The following ADIPOR1 variants were observed in gnomAD, a reference collection of about 807,000 sequenced individuals.
ADIPOR1 encodes the protein adiponectin receptor 1, also known as adiponectin receptor protein 1.
A neutral mutation model predicts 37.5 loss-of-function variants in ADIPOR1; 15 were observed. That is an observed-to-expected ratio of 0.40 (90% CI 0.27 to 0.62). The LOEUF (loss-of-function observed/expected upper bound fraction) is 0.62. Ranked by LOEUF, ADIPOR1 falls within the 20% of genes least tolerant of loss-of-function variation. The pLI is 0.42. For missense variants in ADIPOR1, 286 were observed against 478.0 expected (o/e 0.60, Z 3.75); for synonymous variants, 173 against 173.2 (o/e 1.00, Z 0.01).
Position 202,944,994 on chromosome 1 carries a change from C to G in ADIPOR1, c.606G>C (p.Arg202=), listed in dbSNP as rs1195753408. The G allele has an allele frequency of 3.7e-6, 6 of 1,610,488 alleles. No homozygotes were observed. In the Admixed American group the frequency reaches 8.5e-5, roughly 23 times the overall value. ...TTCTTTTAACTCACTTGGAAAAAGT[C>G]CGAGAGACTTTCTCTGAATGACAAT... The part of the protein sequence containing the change: ...TVYCHSEKVS[R]TFSKLDYSGI... The change falls in exon 5 of 8, where the codon CGG becomes CGC. Residue 202 remains arginine (R), a synonymous_variant. Coordinates refer to ENST00000340990, the MANE Select transcript of ADIPOR1 (RefSeq NM_015999.6).
chr1:202,941,444 G>C lies in ADIPOR1; in HGVS notation c.*129C>G. 8.4e-7 allele frequency: 1 copy of C among 1,193,074 alleles called. No individual in the cohort carries two copies. The highest frequency in any genetic ancestry group is 1.1e-6 in the Non-Finnish European group (1 of 873,126). The allele number at this position is 1,193,074 out of a possible 1,614,324, so 73.9% of individuals were successfully genotyped here. On this transcript the variant is annotated 3_prime_UTR_variant, in exon 8 of 8. Transcript: ENST00000340990. ...GGGTGTGAAAGTGGGCTGAAGCTTG[G>C]TTGGTACTGAATTCTCTAAGAGGTT...
chr1:202,952,912 C>T (rs12733285), intron 1 of ADIPOR1, among the ~76,000 whole-genome samples: 39,913 of 152,172 alleles, frequency 0.26, 5,624 homozygotes, highest in Middle Eastern at 0.45. Context: ...CCCACAAGCA[C>T]AGTTGAAAGC....
intron 1 of ADIPOR1, among the ~76,000 whole-genome samples, chr1:202,955,932 C>T (rs1237119321): frequency 6.6e-6 from 1 of 152,230 alleles, no homozygotes; most frequent in Non-Finnish European, 1.5e-5. Context: ...CCTGCCACCA[C>T]ATCCGGATAA....
intron 6 of ADIPOR1, 95 bp from the exon 7 acceptor site, chr1:202,942,313 T>G: frequency 8.2e-7 from 1 of 1,218,122 alleles, no homozygotes; most frequent in Non-Finnish European, 1.1e-6. Flanking sequence ...TTTATGATAA[T>G]TAGCTATTTT....
intron 1 of ADIPOR1, chr1:202,954,244 G>A (rs1294635618): frequency 6.6e-6 from 1 of 152,158 alleles, no homozygotes; most frequent in East Asian, 1.9e-4. Context: ...TACATACAAT[G>A]GAGGTCAATG....
chr1:202,947,493 G>T (rs1055211195), intron 3 of ADIPOR1, among the ~76,000 whole-genome samples: 6 of 151,664 alleles, frequency 4.0e-5, no homozygotes, highest in Non-Finnish European at 8.8e-5. Context: ...CTGCAGCTGG[G>T]AGACAAGAGC....
rs139578512 is a variant in ADIPOR1, at chr1:202,950,844, G to T, written c.141+86C>A. 7.7e-6 allele frequency: 12 copies of T among 1,550,570 alleles called. No homozygotes were observed. In the East Asian group the frequency reaches 2.7e-4, roughly 35 times the overall value. On this transcript the variant is annotated intron_variant, in intron 2 of 7. Transcript: ENST00000340990. The stretch of plus-strand genomic sequence containing the variant: ...CCAGGATGCAATGTTCCTCCTTTTG[G>T]ACGGTGAGCTCTTAAAAAAGAGAAA...
At chr1:202,956,128 G>A (rs10920532) in intron 1 of ADIPOR1, among the ~76,000 whole-genome samples, 12,196 of 152,264 alleles carry the variant, frequency 0.08, 1,223 homozygotes, top group African/African-American at 0.23. Context: ...TTAGCATGGT[G>A]AGAGGAACAA....
At chr1:202,957,990 G>A (rs1654850854) in intron 1 of ADIPOR1, among the ~76,000 whole-genome samples, 195 bp downstream of exon 1, 2 of 152,178 alleles carry the variant, frequency 1.3e-5, no homozygotes, top group African/African-American at 4.8e-5. Context: ...GCAGTGGGAG[G>A]GGCCGGAAAT....
rs1416623131 is a variant in ADIPOR1 at position 202,951,163 on chromosome 1, C to T, written c.-93G>A. 1.4e-6 allele frequency: 2 copies of T among 1,470,614 alleles called. No individual in the cohort carries two copies. The highest frequency in any genetic ancestry group is 2.3e-5 in the East Asian group (1 of 43,922). 91.1% of individuals were successfully genotyped at this position (1,470,614 alleles called of 1,614,324 possible). A position where few individuals can be genotyped will look rare whatever the true frequency, so the allele number is the denominator to read the frequency against. On this transcript the variant is annotated splice_region_variant and 5_prime_UTR_variant, in exon 2 of 8. Transcript: ENST00000340990. Reference sequence around the variant, plus strand: ...GCAGAGATCTCCCTCTGATGGTAGACACTAAAAGAAAATACAAACATGAAG... The same window carrying T: ...GCAGAGATCTCCCTCTGATGGTAGATACTAAAAGAAAATACAAACATGAAG...
At chr1:202,950,805 G>T in intron 2 of ADIPOR1, 125 bp downstream of exon 2, 4 of 1,328,382 alleles carry the variant, frequency 3.0e-6, no homozygotes, top group Non-Finnish European at 3.2e-6. Flanking sequence ...ATAGGGACTT[G>T]GATAGAGACA....
At position 202,941,440 on chromosome 1, in the gene ADIPOR1, CT is replaced by C; in HGVS notation, c.*132del. 7 of 1,150,200 alleles carry C rather than the reference CT, an allele frequency of 6.1e-6. No homozygotes were observed. Among genetic ancestry groups the C allele is most frequent in the Non-Finnish European group, 8.3e-6 (7 of 840,560 alleles). 71.2% of individuals were successfully genotyped at this position (1,150,200 alleles called of 1,614,324 possible). On this transcript the variant is annotated 3_prime_UTR_variant, in exon 8 of 8. Transcript: ENST00000340990. The stretch of plus-strand genomic sequence containing the variant: ...CAGTGGGTGTGAAAGTGGGCTGAAG[CT>C]TGGTTGGTACTGAATTCTCTAAGAG...
intron 5 of ADIPOR1, chr1:202,944,215 T>C (rs566198051): frequency 9.9e-6 from 3 of 302,240 alleles, no homozygotes; most frequent in South Asian, 8.5e-5. Flanking sequence ...TCTCCCATAG[T>C]AGACACTTGA....
At chr1:202,958,314 C>T (rs894447208), upstream of ADIPOR1, 5 of 152,268 alleles carry the variant, frequency 3.3e-5, no homozygotes, top group South Asian at 4.1e-4. Flanking sequence ...GCGCGACCTC[C>T]CGCGTCACCT....
At chr1:202,944,356 C>T in intron 5 of ADIPOR1, 1 of 157,428 alleles carries the variant, frequency 6.4e-6, no homozygotes, top group Non-Finnish European at 1.4e-5. Context: ...TTAAGGGATA[C>T]TCTAGCTTTT....
intron 6 of ADIPOR1, 128 bp downstream of exon 6, chr1:202,943,630 A>G: frequency 9.5e-7 from 1 of 1,047,530 alleles, no homozygotes. Context: ...CTGTTTTGAA[A>G]GTTCTGAAAC....
chr1:202,941,492 G>T lies in ADIPOR1; in HGVS notation c.*81C>A, dbSNP rs2102479335. The T allele has an allele frequency of 6.6e-7, 1 of 1,508,468 alleles. No individual in the cohort carries two copies. The highest frequency in any genetic ancestry group is 1.3e-5 in the South Asian group (1 of 74,506). The allele number at this position is 1,508,468 out of a possible 1,614,324, so 93.4% of individuals were successfully genotyped here. On this transcript the variant is annotated 3_prime_UTR_variant, in exon 8 of 8. Coordinates refer to ENST00000340990, the MANE Select transcript of ADIPOR1 (RefSeq NM_015999.6). ...GTTTCTTCTAGAAACAGACAACTCA[G>T]ACTCTTCCTCTCACTTCAGCAAAGA...
chr1:202,948,965 A>G (rs1191312025), intron 2 of ADIPOR1, among the ~76,000 whole-genome samples: 1 of 151,526 alleles, frequency 6.6e-6, no homozygotes, highest in Admixed American at 6.6e-5. Flanking sequence ...TAATTTTTGT[A>G]TTTTTAGTAG....
At chr1:202,942,744 A>G (rs1342421238) in intron 6 of ADIPOR1, among the ~76,000 whole-genome samples, 1 of 152,228 alleles carries the variant, frequency 6.6e-6, no homozygotes, top group East Asian at 1.9e-4. Flanking sequence ...TACACTACAC[A>G]TAACTGAAGG....
Sources: gnomAD v4.1 joint callset for allele counts (sites outside exome capture counted in the v4.1 genomes callset) on GRCh38, gnomAD v4.1.1 for gene constraint, MANE v1.5 for transcripts, NCBI Gene and HGNC (gene_info 2026-07-23, HGNC 2026-07-21) for gene names.